The following CDC73 variants were observed in gnomAD, a reference collection of about 807,000 sequenced individuals.
The protein encoded by CDC73 is parafibromin.
In CDC73, 21 loss-of-function variants were observed where a neutral mutation model predicts 83.7. The observed-to-expected ratio is 0.25, with a 90% CI of 0.18 to 0.36. The LOEUF (loss-of-function observed/expected upper bound fraction) is 0.36, where lower values mean the gene tolerates loss of function less well. CDC73 is among the 10% of genes least tolerant of loss of function. The pLI, the probability that CDC73 is intolerant of heterozygous loss-of-function variation, is 1.00. For synonymous variants in CDC73, 224 were observed against 212.9 expected, an observed-to-expected ratio of 1.05 and a Z score of -0.45; for missense variants, 342 against 653.3, an observed-to-expected ratio of 0.52 and a Z score of 5.19.
chr1:193,249,203 C>T (rs1332511503), intron 15 of CDC73, among the ~76,000 whole-genome samples: 5 of 151,818 alleles, frequency 3.3e-5, no homozygotes, highest in Non-Finnish European at 7.4e-5. Flanking sequence ...TAATCCTACA[C>T]CAGCAAAAAA....
At chr1:193,168,530 C>CTT (rs1236988317) in intron 10 of CDC73, among the ~76,000 whole-genome samples, 8 of 143,710 alleles carry the variant, frequency 5.6e-5, no homozygotes, top group African/African-American at 1.8e-4. Context: ...TTAACTCTGC[C>CTT]TTTTTTTTTT....
At chr1:193,231,611 A>G (rs985272992) in intron 13 of CDC73, among the ~76,000 whole-genome samples, 3 of 152,164 alleles carry the variant, frequency 2.0e-5, no homozygotes, top group Non-Finnish European at 4.4e-5. Flanking sequence ...TAGGAAGCAA[A>G]TGATTATCTG....
In CDC73 at chr1:193,209,476, G is replaced by C. The variant is rs1232047743; in HGVS notation, c.1031-2589G>C. ...CAAAGTTAATCAGCTTGCCTAGACA[G>C]TGGCAAAATAAGGATATGAACTAAA... On this transcript the variant is annotated intron_variant, in intron 11 of 16. Transcript: ENST00000367435. Among the ~76,000 whole-genome samples, 5 of 152,164 alleles carry C rather than the reference G, an allele frequency of 3.3e-5. No individual in the cohort carries two copies. In the East Asian group the frequency reaches 9.6e-4, roughly 29 times the overall value.
intron 5 of CDC73, chr1:193,136,454 T>C: frequency 3.7e-6 from 1 of 267,046 alleles, no homozygotes; most frequent in South Asian, 3.0e-5. Flanking sequence ...TATTGCTCTA[T>C]GCTATGTGTT....
At chr1:193,142,774 T>G (rs1675929359) in intron 7 of CDC73, among the ~76,000 whole-genome samples, 1 of 152,202 alleles carries the variant, frequency 6.6e-6, no homozygotes, top group African/African-American at 2.4e-5. Flanking sequence ...GATTAATTCT[T>G]GGAAACAAAT....
chr1:193,200,464 A>G (rs1677073944), intron 10 of CDC73, among the ~76,000 whole-genome samples: 1 of 152,170 alleles, frequency 6.6e-6, no homozygotes, highest in Non-Finnish European at 1.5e-5. Flanking sequence ...TTTGTTTTGT[A>G]TTTTTATTCT....
intron 10 of CDC73, among the ~76,000 whole-genome samples, chr1:193,178,517 T>A (rs967301170): frequency 6.6e-6 from 1 of 152,148 alleles, no homozygotes; most frequent in South Asian, 2.1e-4. Context: ...ACACACACAC[T>A]GTTTTTAAAA....
In CDC73 at chr1:193,177,358, C is replaced by CA. The variant is rs10672869; in HGVS notation, c.972+24936dup. Among the ~76,000 whole-genome samples, 528 of 69,518 alleles carry CA rather than the reference C, an allele frequency of 7.6e-3. 16 individuals carry two copies. The highest frequency in any genetic ancestry group is 9.0e-3 in the African/African-American group (158 of 17,534). The allele number at this position is 69,518 out of a possible 152,430, so 45.6% of individuals were successfully genotyped here. ...TGAAACCCCATCTCTACTAAAAATACAAAAAAAAAAAAAAAAAAAAAATCA... is the reference window on the plus strand; with the variant it reads ...TGAAACCCCATCTCTACTAAAAATACAAAAAAAAAAAAAAAAAAAAAAATCA... On this transcript the variant is annotated intron_variant, in intron 10 of 16. Transcript: ENST00000367435.
chr1:193,132,229 A>G (rs985937588), intron 3 of CDC73, among the ~76,000 whole-genome samples: 6 of 152,254 alleles, frequency 3.9e-5, no homozygotes, highest in Non-Finnish European at 8.8e-5. Flanking sequence ...AATCTTGTGT[A>G]TAATGGAAAG....
At chr1:193,135,710 G>A (rs887040914) in intron 5 of CDC73, 121 bp downstream of exon 5, 3 of 732,804 alleles carry the variant, frequency 4.1e-6, no homozygotes, top group Non-Finnish European at 7.0e-6. Context: ...AAATTTTTGT[G>A]GTAGAAAGAA....
chr1:193,237,501 G>C lies in CDC73; in HGVS notation c.1417+1145G>C, dbSNP rs114653771. The stretch of plus-strand genomic sequence containing the variant: ...ACCCGGAGCCTGATAGCAAAGATTA[G>C]ATAACCTGGGGATGTAAAGAAATTG... On this transcript the variant is annotated intron_variant, in intron 15 of 16. Transcript: ENST00000367435. 7.6e-3 allele frequency among the ~76,000 whole-genome samples: 1,151 copies of C among 152,198 alleles called. 11 individuals are homozygous for C. Among genetic ancestry groups the C allele is most frequent in the Middle Eastern group, 0.017 (5 of 294 alleles).
chr1:193,243,937 T>C (rs1677906034), intron 15 of CDC73, among the ~76,000 whole-genome samples: 1 of 152,202 alleles, frequency 6.6e-6, no homozygotes, highest in Non-Finnish European at 1.5e-5. Flanking sequence ...TAGCAAGCAA[T>C]ATGAAACAAG....
At chr1:193,213,367 AT>A (rs11326996) in intron 13 of CDC73, among the ~76,000 whole-genome samples, 101,484 of 148,522 alleles carry the variant, frequency 0.68, 35,416 homozygotes, top group East Asian at 0.94. Flanking sequence ...TCCTCAGTAG[AT>A]TTTTTTTTTT....
intron 13 of CDC73, 103 bp downstream of exon 13, chr1:193,212,580 G>A (rs1572202497): frequency 1.1e-5 from 8 of 746,314 alleles, no homozygotes; most frequent in Middle Eastern, 3.1e-4. Context: ...ACAAAATTTC[G>A]GTTTCTGTGC....
chr1:193,226,082 C>G (rs1322529099), intron 13 of CDC73, among the ~76,000 whole-genome samples: 2 of 152,100 alleles, frequency 1.3e-5, no homozygotes, highest in African/African-American at 4.8e-5. Flanking sequence ...CTTGACCCAT[C>G]TTGAGTTGAT....
At chr1:193,142,736 T>A (rs75345884) in intron 7 of CDC73, among the ~76,000 whole-genome samples, 3,540 of 152,210 alleles carry the variant, frequency 0.023, 136 homozygotes, top group African/African-American at 0.082. Context: ...ACACGTACCT[T>A]TGTGTGTTTG....
At chr1:193,129,672 C>G (rs1441000159) in intron 2 of CDC73, among the ~76,000 whole-genome samples, 2 of 151,634 alleles carry the variant, frequency 1.3e-5, no homozygotes, top group East Asian at 3.9e-4. Context: ...TTCACCACAC[C>G]CAGCTAATTT....
At chr1:193,152,749 T>C (rs971036811) in intron 10 of CDC73, among the ~76,000 whole-genome samples, 5 of 152,124 alleles carry the variant, frequency 3.3e-5, no homozygotes, top group African/African-American at 7.2e-5. Flanking sequence ...GGAGAGCTTT[T>C]TCGCATAATA....
intron 15 of CDC73, among the ~76,000 whole-genome samples, chr1:193,240,073 A>G (rs1386819404): frequency 6.6e-6 from 1 of 152,140 alleles, no homozygotes; most frequent in Admixed American, 6.5e-5. Flanking sequence ...CCATGAGATC[A>G]ACTTTTAACG....
Sources: gnomAD v4.1 joint callset for allele counts (sites outside exome capture counted in the v4.1 genomes callset) on GRCh38, gnomAD v4.1.1 for gene constraint, MANE v1.5 for transcripts, NCBI Gene and HGNC (gene_info 2026-07-23, HGNC 2026-07-21) for gene names.